Variants in UBR4 observed in about 807,000 individuals in gnomAD.
The protein encoded by UBR4 is E3 ubiquitin-protein ligase UBR4.
Under a neutral mutation model 575.6 loss-of-function variants are expected in UBR4, and 124 were observed. The observed-to-expected ratio is 0.22, with a 90% confidence interval of 0.19 to 0.25. The LOEUF is 0.25. UBR4 is among the 10% of genes least tolerant of loss of function. The pLI is 1.00. For missense variants in UBR4, 4,818 were observed against 6,478.8 expected (o/e 0.74, Z 8.80); for synonymous variants, 2,455 against 2,473.7 (o/e 0.99, Z 0.22).
chr1:19,082,181 T>C, intron 102 of UBR4: 1 of 213,702 alleles, frequency 4.7e-6, no homozygotes, highest in South Asian at 1.1e-4. Context: ...CGCTGCTTCT[T>C]GTCCTCATGC....
chr1:19,113,682 T>A lies in UBR4; in HGVS notation c.11457+17A>T, dbSNP rs1406630579. 3 of 1,613,736 alleles carry A rather than the reference T, an allele frequency of 1.9e-6. No individual in the cohort carries two copies. The highest frequency in any genetic ancestry group is 2.5e-6 in the Non-Finnish European group (3 of 1,179,952). On this transcript the variant is annotated intron_variant, in intron 77 of 105. Coordinates refer to ENST00000375254, the MANE Select transcript of UBR4 (RefSeq NM_020765.3). ...ACTTGGACAAAACACACCCAAAAGC[T>A]GCTCCCCGCTCTCTACCTGGATGAT... is the stretch of plus-strand genomic sequence containing the variant.
chr1:19,202,235 A>G (rs909844990), intron 1 of UBR4, among the ~76,000 whole-genome samples: 6 of 152,168 alleles, frequency 3.9e-5, no homozygotes, highest in African/African-American at 1.4e-4. Flanking sequence ...TTAAAATTAA[A>G]TATCTCATTC....
chr1:19,198,771 T>G, intron 4 of UBR4, 28 bp downstream of exon 4: 5 of 1,613,616 alleles, frequency 3.1e-6, no homozygotes, highest in Non-Finnish European at 4.2e-6. Context: ...GGTGGTCATG[T>G]GATCAGATCT....
In UBR4 at chr1:19,168,094, G is replaced by A. The variant is rs752517091; in HGVS notation, c.3832C>T (p.Leu1278=). 4 of 1,613,882 alleles carry A rather than the reference G, an allele frequency of 2.5e-6. No individual in the cohort carries two copies. The highest frequency in any genetic ancestry group is 3.4e-6 in the Non-Finnish European group (4 of 1,179,774). ...TGCTTCAGGGAAGCAGCCAGGGGCA[G>A]ACTTTGGCTACAGAGAGTCCCCAGG... The part of the protein sequence containing the change: ...AHLGTLCSQS[L]PLAASLKHTL... The change falls in exon 28 of 106, where the codon CTG becomes TTG. Residue 1278 remains leucine, a synonymous_variant. Coordinates refer to ENST00000375254, the MANE Select transcript of UBR4 (RefSeq NM_020765.3).
chr1:19,202,265 A>G (rs542646808), intron 1 of UBR4, among the ~76,000 whole-genome samples: 22 of 152,306 alleles, frequency 1.4e-4, no homozygotes, highest in Admixed American at 1.3e-3. Flanking sequence ...AGGCTAGGGA[A>G]GAAGCAGAGA....
Position 19,140,837 on chromosome 1 carries a change from G to A in UBR4, c.8544C>T (p.Pro2848=). The change falls in exon 58 of 106, where the codon CCC becomes CCT. Residue 2848 remains proline, a synonymous_variant. Coordinates refer to ENST00000375254, the MANE Select transcript of UBR4 (RefSeq NM_020765.3). ...TTCCTGCGTCCAGAGAGGAAGAGCT[G>A]GGTGCCTGGCCGGACAGTCCCAGGC... ...LQSLGLSGQA[P]SSSSLDAGTL... The A allele has an allele frequency of 6.2e-7, 1 of 1,613,190 alleles. No individual in the cohort carries two copies.
At chr1:19,179,658 T>A (rs1301901234) in intron 17 of UBR4, among the ~76,000 whole-genome samples, 1 of 152,198 alleles carries the variant, frequency 6.6e-6, no homozygotes, top group Non-Finnish European at 1.5e-5. Context: ...AATTTAGAGA[T>A]CCGCAGTATT....
Position 19,089,082 on chromosome 1 carries a change from G to A in UBR4, c.14212-105C>T. ...ACTCAACCAGCATGCACCATCTCATGTCACCTGCTCAGCTGCAATCAGGTC... is the reference window on the plus strand; with the variant it reads ...ACTCAACCAGCATGCACCATCTCATATCACCTGCTCAGCTGCAATCAGGTC... On this transcript the variant is annotated intron_variant, in intron 97 of 105. Transcript: ENST00000375254. The surrounding 1 kb of genome is among the most constrained non-coding windows in gnomAD (Gnocchi z 4.3). The A allele has an allele frequency of 1.8e-6, 2 of 1,107,126 alleles. No homozygotes were observed. The highest frequency in any genetic ancestry group is 2.6e-6 in the Non-Finnish European group (2 of 763,386). The allele number at this position is 1,107,126 out of a possible 1,614,324, so 68.6% of individuals were successfully genotyped here. A position where few individuals can be genotyped will look rare whatever the true frequency, so the allele number is the denominator to read the frequency against.
chr1:19,088,825 G>C lies in UBR4; in HGVS notation c.14364C>G (p.Thr4788=), dbSNP rs2077254610. 1.2e-6 allele frequency: 2 copies of C among 1,614,032 alleles called. No homozygotes were observed. The highest frequency in any genetic ancestry group is 1.7e-5 in the Admixed American group (1 of 60,014). Residue 4788 remains threonine, a synonymous_variant, in exon 98 of 106, where the codon ACC becomes ACG. Coordinates refer to ENST00000375254, the MANE Select transcript of UBR4 (RefSeq NM_020765.3). This position sits in a 1 kb window ranked among gnomAD's most constrained non-coding sequence, Gnocchi z 4.0. ...TGGCCATGCGCTTCTTCTCTGCCCGGGTCTCCCTGCGGGCTGCGTCAATCT... is the reference window on the plus strand; with the variant it reads ...TGGCCATGCGCTTCTTCTCTGCCCGCGTCTCCCTGCGGGCTGCGTCAATCT... ...NKKIDAARRE[T]RAEKKRMAMA...
In UBR4 at chr1:19,114,087, A is replaced by C; in HGVS notation, c.11203-17T>G. The C allele has an allele frequency of 6.2e-7, 1 of 1,605,218 alleles. No individual in the cohort carries two copies. The highest frequency in any genetic ancestry group is 1.1e-5 in the South Asian group (1 of 90,912). Reference sequence around the variant, plus strand: ...GGATACAGCCTAGACAGGAAAAGACAGGGACTGAGTGAAGGCTTTTTGGCT... The same window carrying C: ...GGATACAGCCTAGACAGGAAAAGACCGGGACTGAGTGAAGGCTTTTTGGCT... On this transcript the variant is annotated splice_polypyrimidine_tract_variant and intron_variant, in intron 75 of 105. Transcript: ENST00000375254.
In UBR4 at chr1:19,177,643, G is replaced by A; in HGVS notation, c.2455C>T (p.His819Tyr). 6.2e-7 allele frequency: 1 copy of A among 1,613,906 alleles called. No individual in the cohort carries two copies. Among genetic ancestry groups the A allele is most frequent in the Middle Eastern group, 1.6e-4 (1 of 6,062 alleles). The change falls in exon 19 of 106, where the codon CAC becomes TAC. Residue 819 changes from histidine to tyrosine, a missense_variant. Around this residue, in one of 29 missense-constraint regions of UBR4, gnomAD observed 1,172 missense variants for 1,259.7 expected, o/e 0.93. Coordinates refer to ENST00000375254, the MANE Select transcript of UBR4 (RefSeq NM_020765.3). ...CGCCGGCCTGTCTCGGTGAAATTGT[G>A]GAAAATGAGGAGGAGCATCTGCAGG... ...EHLQMLLLIFHNFTETGRRAI... is the reference protein window; with the variant it reads ...EHLQMLLLIFYNFTETGRRAI...
At chr1:19,121,575 A>C (rs1165427604) in intron 67 of UBR4, 141 bp from the exon 68 acceptor site, 7 of 1,138,622 alleles carry the variant, frequency 6.1e-6, no homozygotes, top group African/African-American at 1.6e-5. Context: ...GGACATTGTG[A>C]AGAAGTTATA....
At position 19,158,118 on chromosome 1, in the gene UBR4, G is replaced by A. The variant is rs184476769; in HGVS notation, c.5578-121C>T. 1.4e-5 allele frequency: 15 copies of A among 1,092,896 alleles called. No individual in the cohort carries two copies. The East Asian group carries it at 1.7e-4, about 13-fold the overall frequency. The allele number at this position is 1,092,896 out of a possible 1,614,324, so 67.7% of individuals were successfully genotyped here. ...TCAGTCATTCAAAAGCAGTGATTTC[G>A]GCCTCCAAACCGTGGATGGCTGTGT... On this transcript the variant is annotated intron_variant, in intron 39 of 105. Transcript: ENST00000375254.
intron 49 of UBR4, among the ~76,000 whole-genome samples, chr1:19,149,541 T>G (rs991627068): frequency 2.0e-5 from 3 of 151,106 alleles, no homozygotes; most frequent in Non-Finnish European, 4.4e-5. Flanking sequence ...GAAGAGAGAG[T>G]TGAGAGAGTG....
At chr1:19,122,647 C>T (rs929463217) in intron 66 of UBR4, among the ~76,000 whole-genome samples, 186 bp downstream of exon 66, 1 of 152,214 alleles carries the variant, frequency 6.6e-6, no homozygotes, top group Non-Finnish European at 1.5e-5. Flanking sequence ...CATCCCAGAT[C>T]CTGAAGCCAA....
In UBR4 at chr1:19,185,299, A is replaced by C. The variant is rs757498405; in HGVS notation, c.1751-13T>G. 3 of 1,516,134 alleles carry C rather than the reference A, an allele frequency of 2.0e-6. No individual in the cohort carries two copies. Among genetic ancestry groups the C allele is most frequent in the Non-Finnish European group, 2.6e-6 (3 of 1,136,142 alleles). The allele number at this position is 1,516,134 out of a possible 1,614,324, so 93.9% of individuals were successfully genotyped here. ...TCACTGTCATCGTCTGAATAGAGAA[A>C]GATAAAGTAACGAAAATAAATATTT... is the stretch of plus-strand genomic sequence containing the variant. On this transcript the variant is annotated splice_polypyrimidine_tract_variant and intron_variant, in intron 14 of 105. Transcript: ENST00000375254.
chr1:19,198,962 A>G, intron 3 of UBR4, 34 bp from the exon 4 acceptor site: 1 of 1,604,792 alleles, frequency 6.2e-7, no homozygotes, highest in East Asian at 2.2e-5. Context: ...AAAAGAAAAC[A>G]AAAACAAATA....
rs752107544 is a variant in UBR4 at position 19,101,458 on chromosome 1, G to T, written c.13023+62C>A. 9 of 1,544,406 alleles carry T rather than the reference G, an allele frequency of 5.8e-6. No homozygotes were observed. The Middle Eastern group carries it at 6.9e-4, about 118-fold the overall frequency. On this transcript the variant is annotated intron_variant, in intron 88 of 105. Coordinates refer to ENST00000375254, the MANE Select transcript of UBR4 (RefSeq NM_020765.3). ...CATAACTTTAATGAATCACCAAGAGGCTTCATGGCAAAGTGGGCTGTGCTG... is the reference window on the plus strand; with the variant it reads ...CATAACTTTAATGAATCACCAAGAGTCTTCATGGCAAAGTGGGCTGTGCTG...
In UBR4 at chr1:19,162,427, T is replaced by C; in HGVS notation, c.4949A>G (p.Glu1650Gly). The C allele has an allele frequency of 6.2e-7, 1 of 1,612,812 alleles. No homozygotes were observed. The highest frequency in any genetic ancestry group is 8.5e-7 in the Non-Finnish European group (1 of 1,179,556). Residue 1650 changes from glutamate to glycine, a missense_variant, in exon 35 of 106, where the codon GAG (glutamate) becomes GGG (glycine). Physicochemically the swap from Glu to Gly is moderately conservative, Grantham distance 98 (BLOSUM62 -2). Coordinates refer to ENST00000375254, the MANE Select transcript of UBR4 (RefSeq NM_020765.3). ...LAVEEEDSQAEDSDEDSLCNK... is the reference protein window; with the variant it reads ...LAVEEEDSQAGDSDEDSLCNK... ...AGGTTACTTAGTACTTACTGAATCCTCAGCCTGGGAATCTTCCTCTTCCAC... is the reference window on the plus strand; with the variant it reads ...AGGTTACTTAGTACTTACTGAATCCCCAGCCTGGGAATCTTCCTCTTCCAC...
Sources: gnomAD v4.1 joint callset for allele counts (sites outside exome capture counted in the v4.1 genomes callset) on GRCh38, gnomAD v4.1.1 for gene constraint, gnomAD v4.1.1 regional missense constraint, Gnocchi (gnomAD v3.1) non-coding constraint, MANE v1.5 for transcripts, NCBI Gene and HGNC (gene_info 2026-07-23, HGNC 2026-07-21) for gene names.